The following PHLPP1 variants were observed in gnomAD, a reference collection of about 807,000 sequenced individuals.
PHLPP1 encodes the protein PH domain and leucine rich repeat protein phosphatase 1, also known as PH domain leucine-rich repeat-containing protein phosphatase 1.
A neutral mutation model predicts 117.2 loss-of-function variants in PHLPP1; 42 were observed. That is an observed-to-expected ratio of 0.36 (90% CI 0.28 to 0.46). The LOEUF is 0.46. Among genes scored for constraint, PHLPP1 ranks in the 20% least tolerant of loss-of-function variants. The pLI, the probability that PHLPP1 is intolerant of heterozygous loss-of-function variation, is 1.00. For missense variants in PHLPP1, 2,084 were observed against 2,241.9 expected, an observed-to-expected ratio of 0.93 and a Z score of 1.42; for synonymous variants, 1,042 against 970.7, an observed-to-expected ratio of 1.07 and a Z score of -1.37.
chr18:62,721,096 A>G (rs1436748132), intron 1 of PHLPP1, among the ~76,000 whole-genome samples: 1 of 152,188 alleles, frequency 6.6e-6, no homozygotes, highest in Non-Finnish European at 1.5e-5. Flanking sequence ...TTCCAAAAAT[A>G]TGCTGTTTTT....
intron 2 of PHLPP1, chr18:62,838,100 T>C (rs113536098): frequency 6.6e-6 from 1 of 152,118 alleles, no homozygotes; most frequent in African/African-American, 2.4e-5. Context: ...GTATATCTTC[T>C]TTTATTGCAA....
At chr18:62,722,352 T>C (rs1038218387) in intron 1 of PHLPP1, among the ~76,000 whole-genome samples, 2 of 152,204 alleles carry the variant, frequency 1.3e-5, no homozygotes, top group Non-Finnish European at 2.9e-5. Context: ...CTATCTGGAC[T>C]GGAGAAGGGT....
intron 1 of PHLPP1, among the ~76,000 whole-genome samples, chr18:62,802,443 T>A (rs1021794751): frequency 2.0e-5 from 3 of 152,068 alleles, no homozygotes; most frequent in Non-Finnish European, 4.4e-5. Flanking sequence ...CAGAATAATT[T>A]TGATGATTGA....
Position 62,975,657 on chromosome 18 carries a change from G to A in PHLPP1, c.3984+32G>A, listed in dbSNP as rs774921470. ...AAACAGGGGTGTTGCCCAGGATGGT[G>A]GAGAGGAGAGGAGAGGAGACCAGGT... On this transcript the variant is annotated intron_variant, in intron 16 of 16. Transcript: ENST00000262719. 8.6e-6 allele frequency: 11 copies of A among 1,280,888 alleles called. No homozygotes were observed. The African/African-American group carries it at 1.3e-4, about 15-fold the overall frequency. 79.3% of individuals were successfully genotyped at this position (1,280,888 alleles called of 1,614,324 possible).
intron 11 of PHLPP1, among the ~76,000 whole-genome samples, chr18:62,943,071 A>AGAT (rs1238929947): frequency 3.9e-5 from 6 of 152,204 alleles, no homozygotes; most frequent in Non-Finnish European, 1.5e-5. Context: ...GTCTTCTTTC[A>AGAT]GATGATGAAT....
Position 62,907,602 on chromosome 18 carries a change from G to T in PHLPP1, c.2708+2318G>T, listed in dbSNP as rs1264823758. ...CGAGAAGGGAAGTTTAGAGAAAAAAGAATAAAAAGAAATGAGCAAAGCCTC... is the reference window on the plus strand; with the variant it reads ...CGAGAAGGGAAGTTTAGAGAAAAAATAATAAAAAGAAATGAGCAAAGCCTC... On this transcript the variant is annotated intron_variant, in intron 8 of 16. Transcript: ENST00000262719. 1.1e-3 allele frequency among the ~76,000 whole-genome samples: 151 copies of T among 136,504 alleles called. No individual in the cohort carries two copies. The South Asian group carries it at 0.013, about 12-fold the overall frequency. The allele number at this position is 136,504 out of a possible 152,430, so 89.6% of individuals were successfully genotyped here.
At chr18:62,812,473 C>G (rs1348690964) in intron 1 of PHLPP1, among the ~76,000 whole-genome samples, 1 of 152,092 alleles carries the variant, frequency 6.6e-6, no homozygotes, top group African/African-American at 2.4e-5. Flanking sequence ...ATGTTTGTTC[C>G]TTTAGAGGAG....
At chr18:62,744,180 AC>A (rs1266555972) in intron 1 of PHLPP1, among the ~76,000 whole-genome samples, 6 of 152,288 alleles carry the variant, frequency 3.9e-5, no homozygotes, top group African/African-American at 1.4e-4. Context: ...GTATCTGGGC[AC>A]CCCAGCTTCT....
In PHLPP1 at chr18:62,716,253, G is replaced by A. The variant is rs1467809502; in HGVS notation, c.570G>A (p.Ser190=). Residue 190 remains serine, a synonymous_variant, in exon 1 of 17, where the codon TCG becomes TCA. Transcript: ENST00000262719. The surrounding 1 kb of genome is among the most constrained non-coding windows in gnomAD (Gnocchi z 5.7). ...GGCAGACGCTGCAGCTGCAGCCGTCGGACCGGGACTGGGTGAGGCACCAGC... is the reference window on the plus strand; with the variant it reads ...GGCAGACGCTGCAGCTGCAGCCGTCAGACCGGGACTGGGTGAGGCACCAGC... The part of the protein sequence containing the change: ...KHRQTLQLQP[S]DRDWVRHQLQ... 6.5e-7 allele frequency: 1 copy of A among 1,530,154 alleles called. No individual in the cohort carries two copies. The highest frequency in any genetic ancestry group is 2.0e-5 in the Admixed American group (1 of 50,522). The allele number at this position is 1,530,154 out of a possible 1,614,324, so 94.8% of individuals were successfully genotyped here. A position where few individuals can be genotyped will look rare whatever the true frequency, so the allele number is the denominator to read the frequency against.
Position 62,900,058 on chromosome 18 carries a change from A to T in PHLPP1, c.2445-2906A>T, listed in dbSNP as rs190820730. 1.4e-3 allele frequency among the ~76,000 whole-genome samples: 218 copies of T among 152,192 alleles called. 1 individual carries two copies. The highest frequency in any genetic ancestry group is 5.0e-3 in the African/African-American group (207 of 41,540). The stretch of plus-strand genomic sequence containing the variant: ...CTGCCTGTAATCTCAGCACTTTGGG[A>T]GGCCGAGGCAGGTGGATCACCTGAG... On this transcript the variant is annotated intron_variant, in intron 6 of 16. Coordinates refer to ENST00000262719, the MANE Select transcript of PHLPP1 (RefSeq NM_194449.4).
chr18:62,766,324 G>A (rs971609826), intron 1 of PHLPP1, among the ~76,000 whole-genome samples: 6 of 151,214 alleles, frequency 4.0e-5, no homozygotes, highest in African/African-American at 1.5e-4. Flanking sequence ...GCTTGTATGG[G>A]ATGGGCATTC....
intron 1 of PHLPP1, among the ~76,000 whole-genome samples, chr18:62,744,653 A>G (rs545391264): frequency 6.6e-6 from 1 of 152,382 alleles, no homozygotes; most frequent in African/African-American, 2.4e-5. Flanking sequence ...AATCAACCTG[A>G]TAATGAAGGC....
intron 4 of PHLPP1, among the ~76,000 whole-genome samples, chr18:62,880,688 T>G (rs142701239): frequency 1.3e-5 from 2 of 152,194 alleles, no homozygotes; most frequent in South Asian, 4.1e-4. Context: ...AAAACAGATA[T>G]GTTTAAGTGT....
chr18:62,837,709 C>G (rs1409957804), intron 2 of PHLPP1: 1 of 146,376 alleles, frequency 6.8e-6, no homozygotes, highest in East Asian at 2.0e-4. Context: ...GAGTCTTGCT[C>G]TGTCACCCAG....
At chr18:62,749,875 G>A (rs1303402093) in intron 1 of PHLPP1, among the ~76,000 whole-genome samples, 2 of 152,172 alleles carry the variant, frequency 1.3e-5, no homozygotes, top group African/African-American at 2.4e-5. Context: ...AATTAGCTGG[G>A]TATGGTGGCA....
At chr18:62,774,020 G>T (rs752960444) in intron 1 of PHLPP1, among the ~76,000 whole-genome samples, 3 of 152,096 alleles carry the variant, frequency 2.0e-5, no homozygotes, top group Non-Finnish European at 4.4e-5. Flanking sequence ...CCACCCAAAG[G>T]TCTCACTTCT....
chr18:62,956,335 C>T (rs1431219983), intron 12 of PHLPP1, among the ~76,000 whole-genome samples: 2 of 152,154 alleles, frequency 1.3e-5, no homozygotes, highest in Non-Finnish European at 2.9e-5. Context: ...AGTGAACAAG[C>T]TGACTGGGCC....
In PHLPP1 at chr18:62,788,418, C is replaced by T. The variant is rs186120525; in HGVS notation, c.1577-41617C>T. On this transcript the variant is annotated intron_variant, in intron 1 of 16. Coordinates refer to ENST00000262719, the MANE Select transcript of PHLPP1 (RefSeq NM_194449.4). The stretch of plus-strand genomic sequence containing the variant: ...TAATTACCAGGGACAAGTTAGAAAT[C>T]AGTCCCTCCCTTCTCAGTTTATATT... 9.3e-4 allele frequency among the ~76,000 whole-genome samples: 142 copies of T among 152,298 alleles called. No homozygotes were observed. The Middle Eastern group carries it at 0.014, about 15-fold the overall frequency.
At chr18:62,771,023 A>C (rs550573570) in intron 1 of PHLPP1, among the ~76,000 whole-genome samples, 2 of 152,108 alleles carry the variant, frequency 1.3e-5, no homozygotes, top group East Asian at 3.9e-4. Flanking sequence ...GTTTGAGACC[A>C]GCCAACATGG....
Sources: allele counts gnomAD v4.1 joint callset (sites outside exome capture counted in the v4.1 genomes callset), GRCh38; gene constraint gnomAD v4.1.1; non-coding constraint Gnocchi (gnomAD v3.1); transcripts MANE v1.5; gene names NCBI Gene and HGNC (gene_info 2026-07-23, HGNC 2026-07-21).